Variants in ZNF718 observed in about 807,000 individuals in gnomAD.
The protein encoded by ZNF718 is zinc finger protein 718.
ZNF718 carries 3 observed loss-of-function variants against 2.6 expected under a neutral mutation model. That is an observed-to-expected ratio of 1.16 (90% CI 0.53 to 3.01). The LOEUF is 3.01. ZNF718 is among the 30% of genes most tolerant of loss of function. The probability of loss-of-function intolerance (pLI) is 0.03; values close to 1 mark genes in which losing one functional copy is unlikely to be tolerated. For synonymous variants in ZNF718, 135 were observed against 77.9 expected, an observed-to-expected ratio of 1.73 and a Z score of -3.86; for missense variants, 468 against 230.0, an observed-to-expected ratio of 2.03 and a Z score of -6.69.
At position 128,810 on chromosome 4, in the gene ZNF718, A is replaced by T. The variant is rs1381222202; in HGVS notation, c.4-1978A>T. Reference sequence around the variant, plus strand: ...AAGAATCTCCTTGGTTTGTACCCAGATAAGAATTGCTCCAGTTTTCTGGTT... The same window carrying T: ...AAGAATCTCCTTGGTTTGTACCCAGTTAAGAATTGCTCCAGTTTTCTGGTT... On this transcript the variant is annotated intron_variant, in intron 1 of 3. Coordinates refer to ENST00000510175, the MANE Select transcript of ZNF718 (RefSeq NM_001039127.6). 1.4e-4 allele frequency among the ~76,000 whole-genome samples: 15 copies of T among 104,372 alleles called. 5 individuals are homozygous for T. The highest frequency in any genetic ancestry group is 2.6e-4 in the Non-Finnish European group (12 of 46,734). The allele number at this position is 104,372 out of a possible 152,430, so 68.5% of individuals were successfully genotyped here.
chr4:127,944 T>G lies in ZNF718; in HGVS notation c.4-2844T>G, dbSNP rs1715274378. Among the ~76,000 whole-genome samples the G allele has an allele frequency of 1.9e-5, 2 of 105,028 alleles. 1 individual carries two copies. Among genetic ancestry groups the G allele is most frequent in the African/African-American group, 6.6e-5 (2 of 30,238 alleles). The allele number at this position is 105,028 out of a possible 152,430, so 68.9% of individuals were successfully genotyped here. A position where few individuals can be genotyped will look rare whatever the true frequency, so the allele number is the denominator to read the frequency against. On this transcript the variant is annotated intron_variant, in intron 1 of 3. Transcript: ENST00000510175. ...AGTGTATATTCAGGTAGCTTTATAC[T>G]CCAGGATTGCAGTCTTCAAGCTTTG...
chr4:188,138 C>A (rs1211183097), intron 3 of ZNF718, among the ~76,000 whole-genome samples: 1 of 152,216 alleles, frequency 6.6e-6, no homozygotes, highest in African/African-American at 2.4e-5. Context: ...AGCCCATCTT[C>A]CCCTTTCTGA....
intron 3 of ZNF718, among the ~76,000 whole-genome samples, chr4:141,787 AAC>A (rs771690695): frequency 3.9e-5 from 6 of 152,336 alleles, no homozygotes; most frequent in South Asian, 2.1e-4. Flanking sequence ...CTGACCTACT[AAC>A]ACAAGTAAAA....
intron 3 of ZNF718, among the ~76,000 whole-genome samples, chr4:182,529 G>A (rs562862307): frequency 4.3e-4 from 66 of 152,114 alleles, no homozygotes; most frequent in African/African-American, 1.4e-3. Context: ...CACCGCCTGG[G>A]TATAAGCGAT....
intron 3 of ZNF718, among the ~76,000 whole-genome samples, chr4:148,797 C>G (rs1234485749): frequency 6.6e-6 from 1 of 151,994 alleles, no homozygotes; most frequent in African/African-American, 2.4e-5. Context: ...ATGTCAAGGC[C>G]TTTCACCTGA....
At chr4:157,366 G>A (rs1553813889) in intron 3 of ZNF718, among the ~76,000 whole-genome samples, 4 of 151,894 alleles carry the variant, frequency 2.6e-5, no homozygotes, top group East Asian at 1.9e-4. Flanking sequence ...CACCCACCTC[G>A]GCCTCTCAAA....
At chr4:171,623 G>C (rs1403728696) in intron 3 of ZNF718, among the ~76,000 whole-genome samples, 3 of 152,204 alleles carry the variant, frequency 2.0e-5, no homozygotes, top group African/African-American at 7.2e-5. Context: ...GAGGCTCTGT[G>C]GGTGTAGGAC....
intron 3 of ZNF718, among the ~76,000 whole-genome samples, chr4:133,721 A>G (rs1581423110): frequency 1.3e-5 from 2 of 152,378 alleles, no homozygotes; most frequent in South Asian, 2.1e-4. Flanking sequence ...TCATTTAAAG[A>G]TGCACTTTTC....
In ZNF718 at chr4:161,229, G is replaced by A. The variant is rs181809707; in HGVS notation, c.544G>A (p.Val182Met). Residue 182 changes from valine (V) to methionine (M), a missense_variant, in exon 4 of 4, where the codon GTG becomes ATG. Transcript: ENST00000510175. Reference protein sequence around the residue: ...KCKECGKSFHVLSRLTQHKRI... With the variant: ...KCKECGKSFHMLSRLTQHKRI... ...TAAAGAATGTGGCAAATCATTTCAC[G>A]TGCTCTCACGCCTAACTCAACACAA... 3.3e-4 allele frequency: 256 copies of A among 775,204 alleles called. 1 individual carries two copies. The highest frequency in any genetic ancestry group is 1.7e-3 in the South Asian group (127 of 73,802). 48.0% of individuals were successfully genotyped at this position (775,204 alleles called of 1,614,324 possible). A position where few individuals can be genotyped will look rare whatever the true frequency, so the allele number is the denominator to read the frequency against.
At position 178,513 on chromosome 4, in the gene ZNF718, A is replaced by G. The variant is rs139341445; in HGVS notation, c.227-22568A>G. Among the ~76,000 whole-genome samples, 10 of 152,252 alleles carry G rather than the reference A, an allele frequency of 6.6e-5. No individual in the cohort carries two copies. The East Asian group carries it at 1.9e-3, about 29-fold the overall frequency. ...GGCTGCATTATTCTCTTCTACCAAC[A>G]GTGCATGGGGGTTCCAAATGCTCTG... On this transcript the variant is annotated intron_variant and NMD_transcript_variant, in intron 3 of 4. Coordinates refer to the ZNF718 transcript ENST00000642529.
At chr4:175,067 A>G (rs1474123974) in intron 3 of ZNF718, among the ~76,000 whole-genome samples, 2 of 152,176 alleles carry the variant, frequency 1.3e-5, no homozygotes, top group Non-Finnish European at 2.9e-5. Context: ...GAAATCCTAT[A>G]TGAGAGATCC....
chr4:124,621 G>C lies in ZNF718; in HGVS notation c.-50G>C. ...GCCTCTGTGGCTCTGTGACCTGCCGGTATTGGATGATTCGTATCTAAGACT... is the reference window on the plus strand; with the variant it reads ...GCCTCTGTGGCTCTGTGACCTGCCGCTATTGGATGATTCGTATCTAAGACT... On this transcript the variant is annotated 5_prime_UTR_variant, in exon 1 of 4. Coordinates refer to ENST00000510175, the MANE Select transcript of ZNF718 (RefSeq NM_001039127.6). 2.5e-6 allele frequency: 4 copies of C among 1,603,822 alleles called. No homozygotes were observed. The highest frequency in any genetic ancestry group is 3.4e-6 in the Non-Finnish European group (4 of 1,178,898).
intron 3 of ZNF718, among the ~76,000 whole-genome samples, chr4:186,776 A>C (rs961520421): frequency 6.6e-6 from 1 of 152,130 alleles, no homozygotes; most frequent in Non-Finnish European, 1.5e-5. Flanking sequence ...TTATGTTTCT[A>C]TGTATACTGG....
At chr4:153,199 C>G (rs1463334706) in intron 3 of ZNF718, among the ~76,000 whole-genome samples, 24 of 151,824 alleles carry the variant, frequency 1.6e-4, no homozygotes, top group African/African-American at 5.8e-4. Flanking sequence ...AATGTGTGTT[C>G]TAGACATCTT....
chr4:182,565 C>G (rs1010033839), intron 3 of ZNF718, among the ~76,000 whole-genome samples: 3 of 151,914 alleles, frequency 2.0e-5, no homozygotes, highest in Non-Finnish European at 4.4e-5. Flanking sequence ...TTCTGAGTAG[C>G]TGGGATCACA....
intron 3 of ZNF718, among the ~76,000 whole-genome samples, chr4:200,557 G>A (rs187346789): frequency 2.3e-4 from 35 of 152,260 alleles, no homozygotes; most frequent in African/African-American, 7.2e-4. Flanking sequence ...ATGAGTCACC[G>A]TGCCTGGCTG....
chr4:157,137 A>G (rs1716611891), intron 3 of ZNF718, among the ~76,000 whole-genome samples: 1 of 88,890 alleles, frequency 1.1e-5, no homozygotes, highest in South Asian at 3.6e-4. Context: ...TTTTTCAGAC[A>G]GTTCCACACT....
At chr4:181,988 C>A (rs571356486) in intron 3 of ZNF718, among the ~76,000 whole-genome samples, 13 of 152,184 alleles carry the variant, frequency 8.5e-5, no homozygotes, top group Non-Finnish European at 1.8e-4. Context: ...CTGCAAAGGA[C>A]ATGATCTCGT....
At chr4:180,257 G>A (rs1477653457) in intron 3 of ZNF718, among the ~76,000 whole-genome samples, 5 of 152,256 alleles carry the variant, frequency 3.3e-5, no homozygotes, top group Admixed American at 6.5e-5. Context: ...ACTAATTCCA[G>A]TTGTCTAACA....
Sources: gnomAD v4.1 joint callset for allele counts (sites outside exome capture counted in the v4.1 genomes callset) on GRCh38, gnomAD v4.1.1 for gene constraint, MANE v1.5 for transcripts, NCBI Gene and HGNC (gene_info 2026-07-23, HGNC 2026-07-21) for gene names.